Variants in HDAC4 observed in about 807,000 individuals in gnomAD.
HDAC4 encodes histone deacetylase A.
Under a neutral mutation model 135.1 loss-of-function variants are expected in HDAC4, and 16 were observed. The observed-to-expected ratio is 0.12, with a 90% confidence interval of 0.08 to 0.18. The LOEUF (loss-of-function observed/expected upper bound fraction) is 0.18. HDAC4 is among the 10% of genes least tolerant of loss of function. The pLI is 1.00. For missense variants in HDAC4, 1,143 were observed against 1,511.8 expected, an observed-to-expected ratio of 0.76 and a Z score of 4.05; for synonymous variants, 685 against 653.4, an observed-to-expected ratio of 1.05 and a Z score of -0.74.
chr2:239,132,789 T>G (rs1039652681), intron 11 of HDAC4, among the ~76,000 whole-genome samples: 1 of 152,180 alleles, frequency 6.6e-6, no homozygotes, highest in Admixed American at 6.5e-5. Context: ...AGAAGATAAG[T>G]GACAAACATC....
Position 239,280,926 on chromosome 2 carries a change from C to A in HDAC4, c.23-44262G>T, listed in dbSNP as rs868089656. On this transcript the variant is annotated intron_variant, in intron 2 of 26. Coordinates refer to ENST00000543185, the MANE Select transcript of HDAC4 (RefSeq NM_001378414.1). ...CACTCTACAATGTACACACCACTCTCCACACAATGTACACACCACTCTACA... is the reference window on the plus strand; with the variant it reads ...CACTCTACAATGTACACACCACTCTACACACAATGTACACACCACTCTACA... 6.9e-3 allele frequency among the ~76,000 whole-genome samples: 921 copies of A among 133,244 alleles called. 8 individuals carry two copies. Among genetic ancestry groups the A allele is most frequent in the African/African-American group, 0.027 (873 of 32,930 alleles). The allele number at this position is 133,244 out of a possible 152,430, so 87.4% of individuals were successfully genotyped here.
At chr2:239,371,380 A>C (rs1218538358) in intron 1 of HDAC4, among the ~76,000 whole-genome samples, 1 of 152,026 alleles carries the variant, frequency 6.6e-6, no homozygotes, top group African/African-American at 2.4e-5. Flanking sequence ...CTCATATACT[A>C]ACACTTATAC....
At chr2:239,246,420 CAG>C (rs112760132) in intron 2 of HDAC4, among the ~76,000 whole-genome samples, 14 of 152,348 alleles carry the variant, frequency 9.2e-5, no homozygotes, top group African/African-American at 3.4e-4. Flanking sequence ...TGTCAGGAAT[CAG>C]TGTGGAAAAG....
rs190753083 is a variant in HDAC4, at chr2:239,110,218, C to T, written c.1978+1308G>A. On this transcript the variant is annotated intron_variant, in intron 14 of 26. Coordinates refer to ENST00000543185, the MANE Select transcript of HDAC4 (RefSeq NM_001378414.1). The stretch of plus-strand genomic sequence containing the variant: ...CTGCCACCACTGGGGAGTGGCATTA[C>T]GGGCAAACGGCATTTCCTGTGGGTT... Among the ~76,000 whole-genome samples the T allele has an allele frequency of 3.8e-3, 581 of 152,312 alleles. 6 individuals carry two copies. Among genetic ancestry groups the T allele is most frequent in the Middle Eastern group, 0.014 (4 of 294 alleles).
At chr2:239,297,768 C>T (rs576484657) in intron 2 of HDAC4, among the ~76,000 whole-genome samples, 13 of 152,192 alleles carry the variant, frequency 8.5e-5, no homozygotes, top group Middle Eastern at 3.2e-3. Context: ...TGTGCCACAA[C>T]GAAGGCCACA....
At chr2:239,108,943 T>C (rs2038411226) in intron 14 of HDAC4, among the ~76,000 whole-genome samples, 1 of 152,200 alleles carries the variant, frequency 6.6e-6, no homozygotes, top group South Asian at 2.1e-4. Flanking sequence ...GGAAAGGCAA[T>C]GTGCCTGAAC....
chr2:239,329,394 G>A lies in HDAC4; in HGVS notation c.22+23284C>T, dbSNP rs547150143. Among the ~76,000 whole-genome samples, 6 of 152,250 alleles carry A rather than the reference G, an allele frequency of 3.9e-5. No homozygotes were observed. In the East Asian group the frequency reaches 7.7e-4, roughly 20 times the overall value. ...AAACATACAAGTTTGATTCTGCCCC[G>A]TCATCTCAGTGAGACAGGCACAGCC... On this transcript the variant is annotated intron_variant, in intron 2 of 26. Coordinates refer to ENST00000543185, the MANE Select transcript of HDAC4 (RefSeq NM_001378414.1).
chr2:239,096,465 C>T (rs1164833916), intron 16 of HDAC4, among the ~76,000 whole-genome samples: 1 of 140,298 alleles, frequency 7.1e-6, no homozygotes, highest in Non-Finnish European at 1.6e-5. Context: ...GATGACTGCA[C>T]CCTCCCCATG....
At chr2:239,333,271 A>G (rs182315512) in intron 2 of HDAC4, among the ~76,000 whole-genome samples, 8 of 152,324 alleles carry the variant, frequency 5.3e-5, no homozygotes, top group African/African-American at 1.4e-4. Context: ...GTTGGTAAAA[A>G]AAAGAAGAAA....
chr2:239,288,714 C>T (rs1401678726), intron 2 of HDAC4, among the ~76,000 whole-genome samples: 2 of 151,256 alleles, frequency 1.3e-5, no homozygotes, highest in Non-Finnish European at 2.9e-5. Flanking sequence ...CTACAATCTA[C>T]CAAAGAATAA....
rs922731522 is a variant in HDAC4, at chr2:239,330,337, G to A, written c.22+22341C>T. ...AGAGATGCCTCACAGGAGACCCCGC[G>A]AGGGAGTGGCAGCTGCTAACCCTGC... is the stretch of plus-strand genomic sequence containing the variant. On this transcript the variant is annotated intron_variant, in intron 2 of 26. Coordinates refer to ENST00000543185, the MANE Select transcript of HDAC4 (RefSeq NM_001378414.1). Among the ~76,000 whole-genome samples, 19 of 152,260 alleles carry A rather than the reference G, an allele frequency of 1.2e-4. No homozygotes were observed. The East Asian group carries it at 2.3e-3, about 18-fold the overall frequency.
At chr2:239,158,677 G>T (rs112073406) in intron 6 of HDAC4, among the ~76,000 whole-genome samples, 102 of 152,038 alleles carry the variant, frequency 6.7e-4, no homozygotes, top group Middle Eastern at 3.4e-3. Context: ...CTCCTGCATA[G>T]CCCAGCTCAC....
At chr2:239,227,811 G>T (rs2047327208) in intron 3 of HDAC4, among the ~76,000 whole-genome samples, 1 of 152,180 alleles carries the variant, frequency 6.6e-6, no homozygotes, top group Admixed American at 6.5e-5. Context: ...GCAGCTTCAC[G>T]AGAGTCATCG....
intron 16 of HDAC4, among the ~76,000 whole-genome samples, chr2:239,098,772 A>T (rs188431859): frequency 6.6e-6 from 1 of 152,378 alleles, no homozygotes; most frequent in African/African-American, 2.4e-5. Flanking sequence ...AACTCAAGAT[A>T]ATCATCAGCT....
intron 24 of HDAC4, among the ~76,000 whole-genome samples, chr2:239,061,249 C>T (rs1030705715): frequency 2.0e-5 from 3 of 148,844 alleles, no homozygotes; most frequent in African/African-American, 7.5e-5. Flanking sequence ...CTGTGTGGTG[C>T]ATTCATGAGT....
At chr2:239,304,928 G>A (rs1200821807) in intron 2 of HDAC4, among the ~76,000 whole-genome samples, 2 of 152,188 alleles carry the variant, frequency 1.3e-5, no homozygotes, top group Non-Finnish European at 2.9e-5. Flanking sequence ...GAGCCACATG[G>A]CCCAGCAGAG....
intron 3 of HDAC4, among the ~76,000 whole-genome samples, chr2:239,197,805 T>C (rs1018648403): frequency 3.9e-5 from 6 of 151,924 alleles, no homozygotes; most frequent in Non-Finnish European, 7.4e-5. Flanking sequence ...ATAAAATATC[T>C]TGTCTAGTCT....
At chr2:239,076,401 T>C (rs1055319484) in intron 22 of HDAC4, among the ~76,000 whole-genome samples, 1 of 152,210 alleles carries the variant, frequency 6.6e-6, no homozygotes, top group Admixed American at 6.5e-5. Context: ...GGCCTGTACA[T>C]ACCATCCTCA....
chr2:239,278,021 C>T lies in HDAC4; in HGVS notation c.23-41357G>A, dbSNP rs889287671. The stretch of plus-strand genomic sequence containing the variant: ...CACACACCCCAGCCACACACCCTAG[C>T]AACACACTCCAGCCACACGCTCCAG... On this transcript the variant is annotated intron_variant, in intron 2 of 26. Transcript: ENST00000543185. Among the ~76,000 whole-genome samples, 3 of 149,824 alleles carry T rather than the reference C, an allele frequency of 2.0e-5. No homozygotes were observed. The South Asian group carries it at 6.4e-4, about 32-fold the overall frequency.
Sources: allele counts gnomAD v4.1 joint callset (sites outside exome capture counted in the v4.1 genomes callset), GRCh38; gene constraint gnomAD v4.1.1; transcripts MANE v1.5; gene names NCBI Gene and HGNC (gene_info 2026-07-23, HGNC 2026-07-21).